The following CDK11B variants were observed in gnomAD, a reference collection of about 807,000 sequenced individuals.
CDK11B encodes the protein cyclin dependent kinase 11B.
CDK11B carries 37 observed loss-of-function variants against 84.0 expected under a neutral mutation model. The ratio of observed to expected loss-of-function variants is 0.44; its 90% confidence interval spans 0.34 to 0.58. CDK11B has a LOEUF of 0.58. CDK11B is among the 20% of genes least tolerant of loss of function. CDK11B has a pLI of 0.02. For synonymous variants in CDK11B, 269 were observed against 309.8 expected, an observed-to-expected ratio of 0.87 and a Z score of 1.38; for missense variants, 427 against 834.0, an observed-to-expected ratio of 0.51 and a Z score of 6.01.
chr1:1,654,002 CTG>C, intron 3 of CDK11B: 1 of 394,988 alleles, frequency 2.5e-6, no homozygotes, highest in South Asian at 1.9e-5. Flanking sequence ...GGGTAAGACT[CTG>C]TGTCAAAGCA....
chr1:1,647,944 G>A (rs1398218908), intron 5 of CDK11B, among the ~76,000 whole-genome samples: 1 of 152,266 alleles, frequency 6.6e-6, no homozygotes, highest in Non-Finnish European at 1.5e-5. Context: ...GCAGTAAAGG[G>A]AGCAGCTCTC....
chr1:1,644,448 AAAC>A (rs775134553), intron 6 of CDK11B, among the ~76,000 whole-genome samples: 248 of 130,532 alleles, frequency 1.9e-3, no homozygotes, highest in Non-Finnish European at 2.8e-3. Context: ...CTCTGTCTCA[AAAC>A]AACAACAACA....
rs1213277976 is a variant in CDK11B, at chr1:1,636,204, G to A, written c.2067-78C>T. 2.9e-5 allele frequency: 26 copies of A among 909,338 alleles called. 1 individual carries two copies. Among genetic ancestry groups the A allele is most frequent in the Middle Eastern group, 3.3e-4 (1 of 3,060 alleles). 56.3% of individuals were successfully genotyped at this position (909,338 alleles called of 1,614,324 possible). A position where few individuals can be genotyped will look rare whatever the true frequency, so the allele number is the denominator to read the frequency against. Reference sequence around the variant, plus strand: ...CCCCAAAGATGGGCTGTGTTGGGACGGGGCTCAGGGCATGGGACGCCAGGC... The same window carrying A: ...CCCCAAAGATGGGCTGTGTTGGGACAGGGCTCAGGGCATGGGACGCCAGGC... On this transcript the variant is annotated intron_variant, in intron 18 of 19. Transcript: ENST00000341832.
intron 3 of CDK11B, among the ~76,000 whole-genome samples, chr1:1,653,643 G>A (rs542158525): frequency 6.6e-6 from 1 of 151,934 alleles, no homozygotes; most frequent in Admixed American, 6.6e-5. Flanking sequence ...TTTAAACAAG[G>A]GCAGCTCATT....
Position 1,637,401 on chromosome 1 carries a change from G to C in CDK11B, c.1570+7C>G, listed in dbSNP as rs748469960. 2 of 1,613,092 alleles carry C rather than the reference G, an allele frequency of 1.2e-6. No homozygotes were observed. The highest frequency in any genetic ancestry group is 1.7e-5 in the Admixed American group (1 of 59,874). ...TACGCAGACAGGCCCCTGGGGCGCGGCTGTACCTGGCAGGAAGGGCTGTTT... is the reference window on the plus strand; with the variant it reads ...TACGCAGACAGGCCCCTGGGGCGCGCCTGTACCTGGCAGGAAGGGCTGTTT... On this transcript the variant is annotated splice_region_variant and intron_variant, in intron 14 of 19. Transcript: ENST00000341832.
intron 12 of CDK11B, among the ~76,000 whole-genome samples, 173 bp from the exon 13 acceptor site, chr1:1,638,056 G>C (rs144847421): frequency 4.5e-4 from 69 of 151,746 alleles, no homozygotes; most frequent in East Asian, 4.3e-3. Context: ...GCTGAGGTCT[G>C]GGCAACACCC....
At chr1:1,639,814 CT>C (rs1232248300) in intron 11 of CDK11B, among the ~76,000 whole-genome samples, 1 of 152,104 alleles carries the variant, frequency 6.6e-6, no homozygotes, top group Non-Finnish European at 1.5e-5. Flanking sequence ...AATATCCTGC[CT>C]TATTGATAGC....
chr1:1,647,233 C>T (rs1329163667), intron 5 of CDK11B, among the ~76,000 whole-genome samples: 8 of 152,270 alleles, frequency 5.3e-5, no homozygotes, highest in African/African-American at 1.9e-4. Context: ...CTAAATTCAA[C>T]ATCTGGACAC....
At chr1:1,638,079 TCAA>T (rs1639654999) in intron 12 of CDK11B, among the ~76,000 whole-genome samples, 196 bp from the exon 13 acceptor site, 1 of 152,124 alleles carries the variant, frequency 6.6e-6, no homozygotes, top group Admixed American at 6.5e-5. Context: ...GGCTTCCCAC[TCAA>T]CACACCACAG....
intron 5 of CDK11B, chr1:1,646,725 C>A (rs1557695455): frequency 1.9e-6 from 1 of 520,036 alleles, no homozygotes; most frequent in East Asian, 5.4e-5. Context: ...TCCCACCAGT[C>A]TCTGCTTCTC....
intron 3 of CDK11B, among the ~76,000 whole-genome samples, chr1:1,653,823 A>ACACAC (rs1642333449): frequency 1.7e-5 from 1 of 60,274 alleles, no homozygotes; most frequent in African/African-American, 7.2e-5. Flanking sequence ...CTCTACTAAA[A>ACACAC]ATACACACAC....
rs147367855 is a variant in CDK11B at position 1,653,681 on chromosome 1, G to T, written c.228-1115C>A. Among the ~76,000 whole-genome samples, 500 of 151,176 alleles carry T rather than the reference G, an allele frequency of 3.3e-3. 2 individuals are homozygous for T. Among genetic ancestry groups the T allele is most frequent in the African/African-American group, 0.012 (478 of 41,304 alleles). On this transcript the variant is annotated intron_variant, in intron 3 of 19. Transcript: ENST00000341832. ...ATGTTATTTATTCCCCAATAAATCT[G>T]TTAAAAGATCCTACAATTTTGGCTG...
intron 11 of CDK11B, among the ~76,000 whole-genome samples, chr1:1,639,706 C>G (rs1457364837): frequency 1.3e-5 from 2 of 151,980 alleles, no homozygotes; most frequent in East Asian, 3.9e-4. Context: ...CCTCTCCGCC[C>G]ACAGGCACCA....
chr1:1,640,668 TC>T (rs1251729827), intron 10 of CDK11B, among the ~76,000 whole-genome samples: 1 of 151,958 alleles, frequency 6.6e-6, no homozygotes, highest in Non-Finnish European at 1.5e-5. Context: ...GGAGGAGGCG[TC>T]GGGTGTCATG....
At chr1:1,638,725 C>G (rs1249527995) in intron 11 of CDK11B, 135 bp from the exon 12 acceptor site, 2 of 846,066 alleles carry the variant, frequency 2.4e-6, no homozygotes, top group Non-Finnish European at 4.0e-6. Flanking sequence ...GGGGTGGAGC[C>G]GGGAGCAGCT....
intron 2 of CDK11B, among the ~76,000 whole-genome samples, chr1:1,655,861 G>A (rs4648762): frequency 0.041 from 6,158 of 151,884 alleles, 336 homozygotes; most frequent in East Asian, 0.28. Flanking sequence ...CCAGCCTGGC[G>A]ACAGAGTTAG....
intron 3 of CDK11B, among the ~76,000 whole-genome samples, chr1:1,653,750 G>A (rs1407359389): frequency 2.0e-5 from 3 of 151,854 alleles, no homozygotes; most frequent in Non-Finnish European, 4.4e-5. Context: ...TTGGGAGGCT[G>A]AGGCAAGTAG....
intron 4 of CDK11B, among the ~76,000 whole-genome samples, chr1:1,651,000 G>A (rs2100944231): frequency 6.6e-6 from 1 of 152,166 alleles, no homozygotes; most frequent in African/African-American, 2.4e-5. Context: ...TCTTCACAAA[G>A]ACTACAGAAC....
intron 4 of CDK11B, among the ~76,000 whole-genome samples, chr1:1,650,013 C>T (rs1399678063): frequency 6.7e-6 from 1 of 150,028 alleles, no homozygotes; most frequent in Non-Finnish European, 1.5e-5. Context: ...GTGGCTCACG[C>T]CTGTAATTCC....
Sources: gnomAD v4.1 joint callset for allele counts (sites outside exome capture counted in the v4.1 genomes callset) on GRCh38, gnomAD v4.1.1 for gene constraint, MANE v1.5 for transcripts, NCBI Gene and HGNC (gene_info 2026-07-23, HGNC 2026-07-21) for gene names.